Variants in PLSCR2 observed in about 807,000 individuals in gnomAD.
The protein encoded by PLSCR2 is PL scramblase 2.
A neutral mutation model predicts 25.3 loss-of-function variants in PLSCR2; 18 were observed. That is an observed-to-expected ratio of 0.71 (90% CI 0.49 to 1.06). PLSCR2 has a LOEUF of 1.06. PLSCR2 is among the 50% of genes least tolerant of loss of function. The probability of loss-of-function intolerance (pLI) is 0.00; values close to 1 mark genes in which losing one functional copy is unlikely to be tolerated. For synonymous variants in PLSCR2, 88 were observed against 87.3 expected (o/e 1.01, Z -0.04); for missense variants, 243 against 269.5 (o/e 0.90, Z 0.69).
At chr3:146,468,445 T>A (rs1348049615) in intron 1 of PLSCR2, among the ~76,000 whole-genome samples, 1 of 152,330 alleles carries the variant, frequency 6.6e-6, no homozygotes, top group South Asian at 2.1e-4. Context: ...CAAGTGGCCA[T>A]GCCAAGACTT....
intron 1 of PLSCR2, among the ~76,000 whole-genome samples, chr3:146,488,670 A>G (rs1213990493): frequency 6.6e-6 from 1 of 152,130 alleles, no homozygotes; most frequent in African/African-American, 2.4e-5. Context: ...GTCAAGAAAC[A>G]ATGGATGCTG....
downstream of PLSCR2, among the ~76,000 whole-genome samples, chr3:146,441,402 G>A (rs2040236419): frequency 6.6e-6 from 1 of 151,728 alleles, no homozygotes; most frequent in East Asian, 1.9e-4. Context: ...AAAATATAAT[G>A]ATACATTAAG....
intron 2 of PLSCR2, among the ~76,000 whole-genome samples, chr3:146,423,169 T>C (rs1237267078): frequency 1.3e-5 from 2 of 150,456 alleles, no homozygotes; most frequent in Non-Finnish European, 3.0e-5. Context: ...CCTTACACTA[T>C]TGTGGGCTCA....
At chr3:146,477,975 G>A (rs2042980918) in intron 1 of PLSCR2, among the ~76,000 whole-genome samples, 1 of 152,210 alleles carries the variant, frequency 6.6e-6, no homozygotes, top group South Asian at 2.1e-4. Context: ...AGCGTCTGGA[G>A]TGGACCTCCA....
chr3:146,473,849 G>T (rs1417578995), intron 1 of PLSCR2, among the ~76,000 whole-genome samples: 1 of 152,116 alleles, frequency 6.6e-6, no homozygotes, highest in African/African-American at 2.4e-5. Context: ...CCCATGTGAC[G>T]CTCATGATGG....
intron 2 of PLSCR2, among the ~76,000 whole-genome samples, chr3:146,424,675 T>C (rs940557722): frequency 6.6e-6 from 1 of 152,036 alleles, no homozygotes; most frequent in African/African-American, 2.4e-5. Flanking sequence ...ACATAAACAA[T>C]TCATAAGTTT....
At chr3:146,458,760 C>T (rs1475948452) in intron 2 of PLSCR2, among the ~76,000 whole-genome samples, 2 of 151,896 alleles carry the variant, frequency 1.3e-5, no homozygotes, top group Non-Finnish European at 2.9e-5. Flanking sequence ...CATATAAAGA[C>T]ATTTTTTATT....
chr3:146,426,696 C>T (rs984358168), intron 2 of PLSCR2, among the ~76,000 whole-genome samples: 3 of 152,110 alleles, frequency 2.0e-5, no homozygotes, highest in African/African-American at 7.2e-5. Flanking sequence ...TTATTTAGTA[C>T]TTTAATTAAA....
At chr3:146,439,545 CT>C (rs988756164), downstream of PLSCR2, among the ~76,000 whole-genome samples, 3 of 152,132 alleles carry the variant, frequency 2.0e-5, no homozygotes, top group African/African-American at 7.2e-5. Flanking sequence ...CACTGATACC[CT>C]TTCTTCCACT....
At chr3:146,425,713 GAAAAT>G (rs113888899) in intron 2 of PLSCR2, among the ~76,000 whole-genome samples, 1,868 of 152,192 alleles carry the variant, frequency 0.012, 36 homozygotes, top group African/African-American at 0.043. Context: ...TGAGGTTCAT[GAAAAT>G]AAAATAAGTA....
chr3:146,392,141 A>G (rs1432098461), intron 3 of PLSCR2, among the ~76,000 whole-genome samples: 1 of 152,094 alleles, frequency 6.6e-6, no homozygotes, highest in Non-Finnish European at 1.5e-5. Context: ...ATACTCACAC[A>G]TTTTATGTTG....
intron 1 of PLSCR2, among the ~76,000 whole-genome samples, chr3:146,483,451 AT>A (rs1560054777): frequency 3.6e-5 from 2 of 55,850 alleles, no homozygotes; most frequent in African/African-American, 1.7e-4. Context: ...ATACACATGT[AT>A]GTATATATAT....
intron 2 of PLSCR2, chr3:146,401,708 T>C (rs1027799208): frequency 5.9e-5 from 9 of 152,284 alleles, no homozygotes; most frequent in African/African-American, 1.9e-4. Flanking sequence ...GGTATCTTAG[T>C]CTTCTTATGA....
At chr3:146,400,756 T>C (rs1474407377) in intron 2 of PLSCR2, among the ~76,000 whole-genome samples, 1 of 151,838 alleles carries the variant, frequency 6.6e-6, no homozygotes. Flanking sequence ...ATGCCAATAT[T>C]ATATTGTCCT....
At chr3:146,467,737 T>C (rs1466892017) in intron 1 of PLSCR2, among the ~76,000 whole-genome samples, 3 of 151,556 alleles carry the variant, frequency 2.0e-5, no homozygotes, top group Non-Finnish European at 2.9e-5. Flanking sequence ...TTAGTTGGAG[T>C]AGTGGTGGCA....
intron 1 of PLSCR2, among the ~76,000 whole-genome samples, chr3:146,481,750 A>G (rs953821356): frequency 6.6e-6 from 1 of 152,226 alleles, no homozygotes; most frequent in Non-Finnish European, 1.5e-5. Flanking sequence ...ATATGGAACC[A>G]AAAAAGAGAC....
chr3:146,413,254 G>T (rs1031927855), intron 2 of PLSCR2, among the ~76,000 whole-genome samples: 2 of 152,058 alleles, frequency 1.3e-5, no homozygotes, highest in Non-Finnish European at 2.9e-5. Flanking sequence ...TTGTCTTGAT[G>T]AACAGTACCT....
chr3:146,495,979 G>C (rs1249957482), upstream of PLSCR2: 3 of 1,368,204 alleles, frequency 2.2e-6, no homozygotes, highest in South Asian at 2.5e-5. Context: ...AAGAATCTAA[G>C]ATGGGCAGAT....
chr3:146,466,311 C>T (rs998034750), intron 1 of PLSCR2, among the ~76,000 whole-genome samples: 3 of 152,168 alleles, frequency 2.0e-5, no homozygotes, highest in African/African-American at 7.2e-5. Flanking sequence ...GCTGAGATTA[C>T]AGGCATATGC....
Sources: allele counts gnomAD v4.1 joint callset (sites outside exome capture counted in the v4.1 genomes callset), GRCh38; gene constraint gnomAD v4.1.1; transcripts MANE v1.5; gene names NCBI Gene and HGNC (gene_info 2026-07-23, HGNC 2026-07-21).